EPHB2: variants seen among roughly 807,000 people sequenced by gnomAD.
EPHB2 encodes the protein ephrin type-B receptor 2.
In EPHB2, 18 loss-of-function variants were observed where a neutral mutation model predicts 96.4. The observed-to-expected ratio is 0.19, with a 90% CI of 0.13 to 0.28. EPHB2 has a LOEUF of 0.28. Among genes scored for constraint, EPHB2 ranks in the 10% least tolerant of loss-of-function variants. The probability of loss-of-function intolerance (pLI) is 1.00; values close to 1 mark genes in which losing one functional copy is unlikely to be tolerated. For synonymous variants in EPHB2, 506 were observed against 534.1 expected (o/e 0.95, Z 0.72); for missense variants, 989 against 1,355.4 (o/e 0.73, Z 4.25).
chr1:22,902,320 A>G (rs1379797664), intron 9 of EPHB2, among the ~76,000 whole-genome samples: 1 of 152,236 alleles, frequency 6.6e-6, no homozygotes, highest in Non-Finnish European at 1.5e-5. Context: ...TAAAGTGCCT[A>G]GAACAAGGCC....
At chr1:22,764,141 A>T (rs1215486004) in intron 1 of EPHB2, among the ~76,000 whole-genome samples, 1 of 152,216 alleles carries the variant, frequency 6.6e-6, no homozygotes, top group East Asian at 1.9e-4. Flanking sequence ...GGGGGACATT[A>T]TTCTGTCTCC....
At chr1:22,711,150 C>A (rs1643126825) in intron 1 of EPHB2, 107 bp downstream of exon 1, 1 of 146,250 alleles carries the variant, frequency 6.8e-6, no homozygotes, top group African/African-American at 2.5e-5. Flanking sequence ...TGCCCGGGGG[C>A]CGGCGCCGGG....
intron 4 of EPHB2, among the ~76,000 whole-genome samples, chr1:22,864,600 G>A (rs1384086356): frequency 6.6e-6 from 1 of 152,208 alleles, no homozygotes; most frequent in African/African-American, 2.4e-5. Context: ...GGAAGAAGGA[G>A]AAAATAGATA....
chr1:22,795,871 AG>A (rs1644760103), intron 3 of EPHB2, among the ~76,000 whole-genome samples: 1 of 151,892 alleles, frequency 6.6e-6, no homozygotes. Flanking sequence ...CCGCCGGGGG[AG>A]GTTTTCCGGG....
chr1:22,907,181 ATGG>A (rs1457122582), intron 11 of EPHB2, among the ~76,000 whole-genome samples: 1 of 152,198 alleles, frequency 6.6e-6, no homozygotes, highest in Non-Finnish European at 1.5e-5. Flanking sequence ...TCTTCTCAGT[ATGG>A]TTCCCCAGGA....
At chr1:22,912,417 A>G in intron 14 of EPHB2, 27 bp from the exon 15 acceptor site, 1 of 1,613,256 alleles carries the variant, frequency 6.2e-7, no homozygotes, top group Non-Finnish European at 8.5e-7. Context: ...TGCCCTGACC[A>G]TCTCTGTCGC....
At chr1:22,865,312 T>C in intron 5 of EPHB2, 100 bp downstream of exon 5, 1 of 1,393,604 alleles carries the variant, frequency 7.2e-7, no homozygotes, top group Admixed American at 1.8e-5. Context: ...TATGGAGTGA[T>C]TTCTTCTTTT....
In EPHB2 at chr1:22,863,090, T is replaced by C; in HGVS notation, c.865T>C (p.Cys289Arg). Residue 289 changes from cysteine (C) to arginine (R), a missense_variant, in exon 4 of 16, where the codon TGT (cysteine) becomes CGT (arginine). By Grantham distance (180) the Cys-to-Arg change is radical. Transcript: ENST00000374630. The stretch of plus-strand genomic sequence containing the variant: ...CCAAGGGGATGAGGCCTGTACCCAC[T>C]GTCCCATCAACAGCCGGACCACTTC... ...ANQGDEACTH[C>R]PINSRTTSEG... is the part of the protein sequence containing the mutation. 1 of 1,614,222 alleles carries C rather than the reference T, an allele frequency of 6.2e-7. No individual in the cohort carries two copies. Among genetic ancestry groups the C allele is most frequent in the Non-Finnish European group, 8.5e-7 (1 of 1,180,032 alleles).
intron 1 of EPHB2, among the ~76,000 whole-genome samples, chr1:22,760,884 G>A (rs949225980): frequency 1.2e-4 from 18 of 152,020 alleles, no homozygotes; most frequent in South Asian, 2.1e-4. Flanking sequence ...TCATCCTCCC[G>A]ACGAGCCTGC....
chr1:22,715,254 T>C (rs1312839531), intron 1 of EPHB2, among the ~76,000 whole-genome samples: 1 of 152,160 alleles, frequency 6.6e-6, no homozygotes, highest in Non-Finnish European at 1.5e-5. Flanking sequence ...TGGAGGGAGA[T>C]ACCAAGGGGA....
At chr1:22,780,364 C>T (rs1240899351) in intron 1 of EPHB2, among the ~76,000 whole-genome samples, 1 of 152,168 alleles carries the variant, frequency 6.6e-6, no homozygotes, top group East Asian at 1.9e-4. Context: ...TCTCCTGAAC[C>T]CCCACAGGCC....
intron 3 of EPHB2, among the ~76,000 whole-genome samples, chr1:22,845,058 G>A (rs1645521853): frequency 6.6e-6 from 1 of 152,232 alleles, no homozygotes; most frequent in African/African-American, 2.4e-5. Flanking sequence ...GAGCAGAGGA[G>A]GTGACGATGA....
At position 22,913,715 on chromosome 1, in the gene EPHB2, C is replaced by T. The variant is rs375096051; in HGVS notation, c.*145C>T. The T allele has an allele frequency of 1.3e-4, 202 of 1,600,750 alleles. 2 individuals carry two copies. In the East Asian group the frequency reaches 2.1e-3, roughly 17 times the overall value. ...GGGAAGAACCAAGCGGTGCCAGCCA[C>T]GAGACGTCACCAAGAAAACATGCAA... On this transcript the variant is annotated 3_prime_UTR_variant, in exon 16 of 16. Transcript: ENST00000374630. This position sits in a 1 kb window ranked among gnomAD's most constrained non-coding sequence, Gnocchi z 4.1.
intron 3 of EPHB2, among the ~76,000 whole-genome samples, chr1:22,803,677 ATATATGTATATATATGTGTG>A (rs2148451242): frequency 7.0e-6 from 1 of 142,958 alleles, no homozygotes; most frequent in East Asian, 2.0e-4. Context: ...ATATGTGTGT[ATATATGTATATATATGTGTG>A]TATATATATG....
intron 1 of EPHB2, among the ~76,000 whole-genome samples, chr1:22,765,126 A>G (rs1378570930): frequency 6.6e-6 from 1 of 152,142 alleles, no homozygotes; most frequent in Non-Finnish European, 1.5e-5. Flanking sequence ...TCTGGGAACC[A>G]ATTCTGGCCA....
intron 3 of EPHB2, among the ~76,000 whole-genome samples, chr1:22,811,991 A>G (rs1645009756): frequency 6.6e-6 from 1 of 152,208 alleles, no homozygotes; most frequent in African/African-American, 2.4e-5. Flanking sequence ...GTGAGCCATG[A>G]TCACACTGCC....
intron 3 of EPHB2, among the ~76,000 whole-genome samples, chr1:22,805,045 C>T (rs115391482): frequency 0.2 from 29,485 of 151,002 alleles, 3,009 homozygotes; most frequent in South Asian, 0.34. Flanking sequence ...CCCCAACCTC[C>T]CCCTCTAGCA....
intron 3 of EPHB2, chr1:22,835,924 T>G (rs1570361155): frequency 6.6e-6 from 1 of 151,684 alleles, no homozygotes; most frequent in South Asian, 2.1e-4. Flanking sequence ...CCTCGTCATG[T>G]CTGTGAGGGC....
intron 5 of EPHB2, 96 bp downstream of exon 5, chr1:22,865,308 G>A: frequency 7.0e-7 from 1 of 1,427,050 alleles, no homozygotes; most frequent in Non-Finnish European, 9.9e-7. Flanking sequence ...CATCTATGGA[G>A]TGATTTCTTC....
Sources: allele counts gnomAD v4.1 joint callset (sites outside exome capture counted in the v4.1 genomes callset), GRCh38; gene constraint gnomAD v4.1.1; non-coding constraint Gnocchi (gnomAD v3.1); transcripts MANE v1.5; gene names NCBI Gene and HGNC (gene_info 2026-07-23, HGNC 2026-07-21).